The following TADA3 variants were observed in gnomAD, a reference collection of about 807,000 sequenced individuals.
TADA3 encodes transcriptional adapter 3.
A neutral mutation model predicts 43.2 loss-of-function variants in TADA3; 25 were observed. That is an observed-to-expected ratio of 0.58 (90% confidence interval 0.42 to 0.81). TADA3 has a LOEUF of 0.81. Among genes scored for constraint, TADA3 ranks in the 30% least tolerant of loss-of-function variants. The pLI, the probability that TADA3 is intolerant of heterozygous loss-of-function variation, is 0.00. For missense variants in TADA3, 441 were observed against 567.8 expected, an observed-to-expected ratio of 0.78 and a Z score of 2.27; for synonymous variants, 235 against 225.5, an observed-to-expected ratio of 1.04 and a Z score of -0.38.
rs780299109 is a variant in TADA3, at chr3:9,789,705, C to A, written c.458+8G>T. ...TGAGGCCCCCTTCTATGTTCTCTAG[C>A]CCAGAACCTGTTGGGGGCATCATTT... On this transcript the variant is annotated splice_region_variant and intron_variant, in intron 3 of 8. Transcript: ENST00000301964. 1 of 1,611,650 alleles carries A rather than the reference C, an allele frequency of 6.2e-7. No homozygotes were observed. Among genetic ancestry groups the A allele is most frequent in the Non-Finnish European group, 8.5e-7 (1 of 1,178,184 alleles).
chr3:9,790,016 C>G, intron 2 of TADA3, 53 bp from the exon 3 acceptor site: 1 of 1,525,500 alleles, frequency 6.6e-7, no homozygotes, highest in Non-Finnish European at 8.8e-7. Context: ...CACAGAATAT[C>G]TCTTTCCTCT....
rs146533568 is a variant in TADA3 at position 9,789,931 on chromosome 3, G to A, written c.240C>T (p.Asp80=). 353 of 1,609,140 alleles carry A rather than the reference G, an allele frequency of 2.2e-4. 1 individual carries two copies. The African/African-American group carries it at 4.3e-3, about 20-fold the overall frequency. Residue 80 remains aspartate, a synonymous_variant, in exon 3 of 9, where the codon GAC becomes GAT. Coordinates refer to ENST00000301964, the MANE Select transcript of TADA3 (RefSeq NM_006354.5). ...ILTDWQDKKG[D]RRFLKLGRDH... ...CTCGACCCAGCTTCAGGAATCGTCT[G>A]TCACCTTTCTTATCCTGCCAGTCGG...
chr3:9,792,737 A>G (rs2078771941), upstream of TADA3: 2 of 1,240,494 alleles, frequency 1.6e-6, no homozygotes, highest in South Asian at 3.6e-5. Flanking sequence ...ATGGGGGTAC[A>G]GAACCGGAAG....
intron 7 of TADA3, 89 bp from the exon 8 acceptor site, chr3:9,784,302 A>G: frequency 1.3e-6 from 2 of 1,483,716 alleles, no homozygotes; most frequent in East Asian, 2.4e-5. Context: ...AAGGTCAGTG[A>G]AAACCTGCCT....
rs377648294 is a variant in TADA3 at position 9,791,182 on chromosome 3, T to C, written c.207+78A>G. ...AACCCCTGTACCCCAAGTCTCAGCA[T>C]ATGGGGCTAACTCAATGACCCATCC... is the stretch of plus-strand genomic sequence containing the variant. On this transcript the variant is annotated intron_variant, in intron 2 of 8. Transcript: ENST00000301964. The C allele has an allele frequency of 1.5e-5, 22 of 1,438,202 alleles. No individual in the cohort carries two copies. In the African/African-American group the frequency reaches 2.4e-4, roughly 16 times the overall value. 89.1% of individuals were successfully genotyped at this position (1,438,202 alleles called of 1,614,324 possible). A position where few individuals can be genotyped will look rare whatever the true frequency, so the allele number is the denominator to read the frequency against.
chr3:9,789,762 C>T lies in TADA3; in HGVS notation c.409G>A (p.Asp137Asn). The T allele has an allele frequency of 6.2e-7, 1 of 1,614,250 alleles. No homozygotes were observed. Among genetic ancestry groups the T allele is most frequent in the Non-Finnish European group, 8.5e-7 (1 of 1,180,046 alleles). ...QPKIQEYEFT[D>N]DPIDVPRIPK... is the part of the protein sequence containing the mutation. ...ATCCGTGGCACGTCGATAGGGTCATCAGTGAATTCATATTCCTGGATCTTG... is the reference window on the plus strand; with the variant it reads ...ATCCGTGGCACGTCGATAGGGTCATTAGTGAATTCATATTCCTGGATCTTG... The change falls in exon 3 of 9, where the codon GAT (aspartate) becomes AAT (asparagine). Residue 137 changes from aspartate (D) to asparagine (N), a missense_variant. By Grantham distance (23) the Asp-to-Asn change is conservative. Transcript: ENST00000301964.
chr3:9,784,023 C>G lies in TADA3; in HGVS notation c.1106+5G>C. On this transcript the variant is annotated splice_donor_5th_base_variant and intron_variant, in intron 8 of 8. Transcript: ENST00000301964. ...CCCGGGACTGTGCATCCTGCTAACG[C>G]TCACCTCAGCAGGTCGTGCTTCTTG... The G allele has an allele frequency of 1.9e-6, 3 of 1,612,718 alleles. No individual in the cohort carries two copies. The highest frequency in any genetic ancestry group is 1.7e-4 in the Middle Eastern group (1 of 6,050).
intron 7 of TADA3, among the ~76,000 whole-genome samples, chr3:9,784,728 G>A (rs963722534): frequency 1.3e-5 from 2 of 151,996 alleles, no homozygotes; most frequent in Non-Finnish European, 2.9e-5. Flanking sequence ...AGCCATACAT[G>A]GTGGCAGGCG....
rs753198847 is a variant in TADA3 at position 9,780,529 on chromosome 3, C to G, written c.1127G>C (p.Ser376Thr). 4.4e-6 allele frequency: 7 copies of G among 1,604,276 alleles called. No individual in the cohort carries two copies. In the South Asian group the frequency reaches 6.6e-5, roughly 15 times the overall value. ...CACCCGCTGCCTCAGCTCCTGCCGG[C>G]TCACCTCCTCCTTTGCCAGCCTGTG... ...DLLRLAKEEV[S>T]RQELRQRVRM... The change falls in exon 9 of 9, where the codon AGC becomes ACC. Residue 376 changes from serine to threonine, a missense_variant. Transcript: ENST00000301964.
chr3:9,787,605 C>A, intron 4 of TADA3: 2 of 1,137,798 alleles, frequency 1.8e-6, no homozygotes, highest in Non-Finnish European at 2.4e-6. Context: ...AATACGTACA[C>A]AGATTGTCTC....
chr3:9,785,512 C>T lies in TADA3; in HGVS notation c.811-87G>A, dbSNP rs933479820. The T allele has an allele frequency of 4.7e-6, 4 of 847,370 alleles. No homozygotes were observed. The African/African-American group carries it at 5.0e-5, about 11-fold the overall frequency. 52.5% of individuals were successfully genotyped at this position (847,370 alleles called of 1,614,324 possible). A position where few individuals can be genotyped will look rare whatever the true frequency, so the allele number is the denominator to read the frequency against. ...GACCTACACTGACAGTCTTCAAACA[C>T]CAGAAATATCCTTTTATCTTTCCCA... On this transcript the variant is annotated intron_variant, in intron 6 of 8. Coordinates refer to ENST00000301964, the MANE Select transcript of TADA3 (RefSeq NM_006354.5).
At chr3:9,780,629 C>T in intron 8 of TADA3, 80 bp from the exon 9 acceptor site, 1 of 1,434,766 alleles carries the variant, frequency 7.0e-7, no homozygotes, top group Middle Eastern at 2.5e-4. Context: ...CCGAGCCTAC[C>T]CACCAGCCCA....
chr3:9,784,884 G>T (rs567522779), intron 7 of TADA3, among the ~76,000 whole-genome samples: 2 of 150,552 alleles, frequency 1.3e-5, no homozygotes, highest in African/African-American at 2.4e-5. Flanking sequence ...AAAAGAAAAA[G>T]AAAAAAAGAA....
chr3:9,783,907 T>A (rs1575296831), intron 8 of TADA3, 121 bp downstream of exon 8: 2 of 1,420,706 alleles, frequency 1.4e-6, no homozygotes, highest in East Asian at 5.1e-5. Flanking sequence ...TTCGAGGCTC[T>A]CCAGGTGATT....
chr3:9,782,790 C>CAA lies in TADA3; in HGVS notation c.1106+1236_1106+1237dup, dbSNP rs36123956. 2.9e-3 allele frequency among the ~76,000 whole-genome samples: 351 copies of CAA among 119,682 alleles called. 4 individuals carry two copies. Among genetic ancestry groups the CAA allele is most frequent in the Middle Eastern group, 8.1e-3 (2 of 248 alleles). 78.5% of individuals were successfully genotyped at this position (119,682 alleles called of 152,430 possible). A position where few individuals can be genotyped will look rare whatever the true frequency, so the allele number is the denominator to read the frequency against. On this transcript the variant is annotated intron_variant, in intron 8 of 8. Coordinates refer to ENST00000301964, the MANE Select transcript of TADA3 (RefSeq NM_006354.5). Reference sequence around the variant, plus strand: ...TGGGCAACAGAGTGAGACACCGTCTCAAAAAAAAAAAAAAAAGGCCAAATG... The same window carrying CAA: ...TGGGCAACAGAGTGAGACACCGTCTCAAAAAAAAAAAAAAAAAAGGCCAAATG...
chr3:9,786,955 A>T, intron 6 of TADA3, 51 bp downstream of exon 6: 2 of 1,484,086 alleles, frequency 1.3e-6, no homozygotes, highest in South Asian at 2.3e-5. Flanking sequence ...TAAGCATAAC[A>T]CATTAAAACA....
Position 9,791,390 on chromosome 3 carries a change from T to A in TADA3, c.77A>T (p.Tyr26Phe), listed in dbSNP as rs1249254152. ...SVDHLKVCPR[Y>F]TAVLARSEDD... ...CTCAGAGCGTGCCAGCACTGCCGTGTAGCGGGGACAGACCTTCAGGTGATC... is the reference window on the plus strand; with the variant it reads ...CTCAGAGCGTGCCAGCACTGCCGTGAAGCGGGGACAGACCTTCAGGTGATC... Residue 26 changes from tyrosine (Y) to phenylalanine (F), a missense_variant, in exon 2 of 9, where the codon TAC (tyrosine) becomes TTC (phenylalanine). By Grantham distance (22) the Tyr-to-Phe change is conservative (BLOSUM62 3). Transcript: ENST00000301964. 1.2e-6 allele frequency: 2 copies of A among 1,614,094 alleles called. No homozygotes were observed. The highest frequency in any genetic ancestry group is 2.7e-5 in the African/African-American group (2 of 74,950).
intron 7 of TADA3, among the ~76,000 whole-genome samples, chr3:9,784,450 A>C (rs1043713801): frequency 3.3e-5 from 5 of 152,170 alleles, no homozygotes; most frequent in African/African-American, 1.2e-4. Flanking sequence ...AACAACCCAG[A>C]GAGAATTACT....
At chr3:9,785,828 C>T (rs867912406) in intron 6 of TADA3, among the ~76,000 whole-genome samples, 2 of 152,132 alleles carry the variant, frequency 1.3e-5, no homozygotes, top group Admixed American at 6.5e-5. Context: ...CTCTTGCAGG[C>T]GGGTATGGTC....
Sources: allele counts gnomAD v4.1 joint callset (sites outside exome capture counted in the v4.1 genomes callset), GRCh38; gene constraint gnomAD v4.1.1; transcripts MANE v1.5; gene names NCBI Gene and HGNC (gene_info 2026-07-23, HGNC 2026-07-21).